The following CYP2S1 variants were observed in gnomAD, a reference collection of about 807,000 sequenced individuals.
CYP2S1 encodes cytochrome P450 family 2 subfamily S member 1, also known as cytochrome P450 2S1.
In CYP2S1, 32 loss-of-function variants were observed where a neutral mutation model predicts 43.5. The observed-to-expected ratio is 0.74, with a 90% confidence interval of 0.56 to 0.99. The LOEUF is 0.99. Among genes scored for constraint, CYP2S1 ranks in the 50% least tolerant of loss-of-function variants. CYP2S1 has a pLI of 0.00. For synonymous variants in CYP2S1, 283 were observed against 302.9 expected (o/e 0.93, Z 0.68); for missense variants, 575 against 673.9 (o/e 0.85, Z 1.62).
At position 41,198,499 on chromosome 19, in the gene CYP2S1, C is replaced by T. The variant is rs773013087; in HGVS notation, c.531C>T (p.Ala177=). The change falls in exon 4 of 9, where the codon GCC becomes GCT. Residue 177 remains alanine, a synonymous_variant. Coordinates refer to ENST00000310054, the MANE Select transcript of CYP2S1 (RefSeq NM_030622.8). The surrounding 1 kb of genome is among the most constrained non-coding windows in gnomAD (Gnocchi z 4.9). ...ATCCCTCCCTGCTGCTGGCCCAGGC[C>T]ACCTCCAACGTAGTCTGCTCCCTCC... The part of the protein sequence containing the change: ...PFDPSLLLAQ[A]TSNVVCSLLF... The T allele has an allele frequency of 2.5e-5, 40 of 1,614,040 alleles. No individual in the cohort carries two copies. Among genetic ancestry groups the T allele is most frequent in the South Asian group, 3.3e-5 (3 of 91,088 alleles).
chr19:41,203,331 C>A, intron 6 of CYP2S1, 119 bp from the exon 7 acceptor site: 1 of 1,131,964 alleles, frequency 8.8e-7, no homozygotes, highest in African/African-American at 1.6e-5. Context: ...GGCTGGGGGA[C>A]CACTCCTCCC....
rs571946917 is a variant in CYP2S1, at chr19:41,199,498, G to A, written c.834+610G>A. Among the ~76,000 whole-genome samples, 46 of 151,366 alleles carry A rather than the reference G, an allele frequency of 3.0e-4. No homozygotes were observed. In the South Asian group the frequency reaches 7.6e-3, roughly 25 times the overall value. On this transcript the variant is annotated intron_variant, in intron 5 of 8. Transcript: ENST00000310054. Reference sequence around the variant, plus strand: ...TGGGCTCAAGCAATCCTCCTGCCTCGGGCTCCTGAGTAGCTGGGACAACAG... The same window carrying A: ...TGGGCTCAAGCAATCCTCCTGCCTCAGGCTCCTGAGTAGCTGGGACAACAG...
At chr19:41,201,521 C>G (rs899078878) in intron 6 of CYP2S1, 149 bp downstream of exon 6, 67 of 1,148,160 alleles carry the variant, frequency 5.8e-5, no homozygotes, top group Non-Finnish European at 7.9e-5. Flanking sequence ...GCCTGGCCAA[C>G]ACAGTGAAAC....
intron 2 of CYP2S1, 129 bp downstream of exon 2, chr19:41,194,838 G>A (rs1331802266): frequency 7.5e-6 from 10 of 1,325,914 alleles, no homozygotes; most frequent in South Asian, 1.7e-5. Context: ...CCCATCAGCC[G>A]GGTGCAGTGG....
chr19:41,204,349 A>G lies in CYP2S1; in HGVS notation c.1164+712A>G, dbSNP rs1323593395. ...AAAACTGAGGAGCAAGTCCAGGACT[A>G]AGGGAAGCCCTCTTGACCCTTAGCC... is the stretch of plus-strand genomic sequence containing the variant. On this transcript the variant is annotated intron_variant, in intron 7 of 8. Coordinates refer to ENST00000310054, the MANE Select transcript of CYP2S1 (RefSeq NM_030622.8). Among the ~76,000 whole-genome samples, 4 of 152,148 alleles carry G rather than the reference A, an allele frequency of 2.6e-5. No homozygotes were observed. In the East Asian group the frequency reaches 7.7e-4, roughly 29 times the overall value.
At chr19:41,204,592 C>CT (rs553640679) in intron 7 of CYP2S1, among the ~76,000 whole-genome samples, 2,885 of 108,994 alleles carry the variant, frequency 0.026, 65 homozygotes, top group Middle Eastern at 0.039. Flanking sequence ...TCTTCTTCTT[C>CT]TTTTTTTTTT....
rs1475838465 is a variant in CYP2S1 at position 41,206,857 on chromosome 19, A to T, written c.*369A>T. ...TCACAAGCCACAGAAACGGCCACAC[A>T]TGTTCACAGCTCACACGCCCTCTCC... On this transcript the variant is annotated 3_prime_UTR_variant, in exon 9 of 9. Transcript: ENST00000310054. 2.1e-6 allele frequency: 1 copy of T among 474,302 alleles called. No homozygotes were observed. The highest frequency in any genetic ancestry group is 4.2e-6 in the Non-Finnish European group (1 of 239,152). The allele number at this position is 474,302 out of a possible 1,614,324, so 29.4% of individuals were successfully genotyped here. A position where few individuals can be genotyped will look rare whatever the true frequency, so the allele number is the denominator to read the frequency against.
chr19:41,206,254 CCTCT>C (rs55800603), intron 8 of CYP2S1, 22 bp from the exon 9 acceptor site: 205 of 1,516,690 alleles, frequency 1.4e-4, no homozygotes, highest in African/African-American at 2.2e-4. Flanking sequence ...CTGACTCAGC[CCTCT>C]CTCTCTCTCT....
chr19:41,200,201 T>C (rs2033470745), intron 5 of CYP2S1, among the ~76,000 whole-genome samples: 1 of 152,144 alleles, frequency 6.6e-6, no homozygotes, highest in Non-Finnish European at 1.5e-5. Context: ...GTTTTAACTA[T>C]AGTAAAATAC....
At chr19:41,205,402 CTCTTTCTT>C (rs1277671808) in intron 7 of CYP2S1, among the ~76,000 whole-genome samples, 4 of 100,088 alleles carry the variant, frequency 4.0e-5, no homozygotes, top group African/African-American at 2.4e-4. Flanking sequence ...CTTTCTTTCT[CTCTTTCTT>C]TCTTTCTTTC....
In CYP2S1 at chr19:41,197,765, A is replaced by G. The variant is rs1394181233; in HGVS notation, c.344-14A>G. The G allele has an allele frequency of 1.9e-6, 3 of 1,612,924 alleles. No individual in the cohort carries two copies. The South Asian group carries it at 3.3e-5, about 18-fold the overall frequency. ...GAGGGGCCGGTCCCTTTTTGAGTCTAGCCTTCTGCGCAGGGGTTTTCTTCT... is the reference window on the plus strand; with the variant it reads ...GAGGGGCCGGTCCCTTTTTGAGTCTGGCCTTCTGCGCAGGGGTTTTCTTCT... On this transcript the variant is annotated splice_polypyrimidine_tract_variant and intron_variant, in intron 2 of 8. Transcript: ENST00000310054.
In CYP2S1 at chr19:41,206,632, C is replaced by A; in HGVS notation, c.*144C>A. 1 of 1,009,918 alleles carries A rather than the reference C, an allele frequency of 9.9e-7. No homozygotes were observed. Among genetic ancestry groups the A allele is most frequent in the Non-Finnish European group, 1.6e-6 (1 of 641,032 alleles). 62.6% of individuals were successfully genotyped at this position (1,009,918 alleles called of 1,614,324 possible). The stretch of plus-strand genomic sequence containing the variant: ...CAGTTGTTTTCCGGAGTCTGTCCCA[C>A]GGCCCACACGCTCACTTGACTCATG... On this transcript the variant is annotated 3_prime_UTR_variant, in exon 9 of 9. Coordinates refer to ENST00000310054, the MANE Select transcript of CYP2S1 (RefSeq NM_030622.8).
chr19:41,205,410 TTCTTTCTTTCTC>T (rs2033558823), intron 7 of CYP2S1, among the ~76,000 whole-genome samples: 2 of 128,578 alleles, frequency 1.6e-5, no homozygotes, highest in African/African-American at 2.8e-5. Context: ...CTCTCTTTCT[TTCTTTCTTTCTC>T]TCTCTCTCTC....
chr19:41,206,031 A>G lies in CYP2S1; in HGVS notation c.1238A>G (p.Asn413Ser), dbSNP rs1165744407. Reference protein sequence around the residue: ...PNIFKHPEEFNPDRFLDADGR... With the variant: ...PNIFKHPEEFSPDRFLDADGR... ...ATCTTCAAGCACCCAGAAGAGTTCA[A>G]CCCAGACCGTTTCCTGGATGCAGAT... The change falls in exon 8 of 9, where the codon AAC becomes AGC. Residue 413 changes from asparagine to serine, a missense_variant. Transcript: ENST00000310054. The G allele has an allele frequency of 6.2e-7, 1 of 1,614,066 alleles. No homozygotes were observed.
intron 7 of CYP2S1, 47 bp from the exon 8 acceptor site, chr19:41,205,911 G>A (rs1297358877): frequency 2.5e-6 from 4 of 1,596,986 alleles, no homozygotes; most frequent in Non-Finnish European, 3.4e-6. Context: ...GGACCAAATG[G>A]ACTGGGGTGG....
intron 2 of CYP2S1, among the ~76,000 whole-genome samples, chr19:41,194,981 TG>T (rs1381807708): frequency 9.9e-5 from 15 of 152,132 alleles, no homozygotes; most frequent in Non-Finnish European, 2.2e-4. Context: ...CTGGGCATGG[TG>T]GTGCGTACCT....
chr19:41,195,187 A>G (rs2033396455), intron 2 of CYP2S1, among the ~76,000 whole-genome samples: 1 of 152,196 alleles, frequency 6.6e-6, no homozygotes, highest in African/African-American at 2.4e-5. Context: ...CCTTGTGCAA[A>G]GTGAGCACTC....
intron 6 of CYP2S1, among the ~76,000 whole-genome samples, chr19:41,202,068 C>A (rs907505236): frequency 6.6e-5 from 10 of 152,070 alleles, no homozygotes; most frequent in South Asian, 2.1e-4. Flanking sequence ...CCCACTGCAA[C>A]CTCCGGCCTC....
Position 41,194,061 on chromosome 19 carries a change from G to A in CYP2S1, c.178-483G>A, listed in dbSNP as rs947790202. 5.9e-5 allele frequency among the ~76,000 whole-genome samples: 9 copies of A among 152,230 alleles called. 1 individual carries two copies. Among genetic ancestry groups the A allele is most frequent in the African/African-American group, 2.2e-4 (9 of 41,550 alleles). ...CTTAGGGGATAGCAGGTGGGAGTGGGCAGAGGCCTGAAGTTTCCCATTCAA... is the reference window on the plus strand; with the variant it reads ...CTTAGGGGATAGCAGGTGGGAGTGGACAGAGGCCTGAAGTTTCCCATTCAA... On this transcript the variant is annotated intron_variant, in intron 1 of 8. Coordinates refer to ENST00000310054, the MANE Select transcript of CYP2S1 (RefSeq NM_030622.8).
Sources: allele counts gnomAD v4.1 joint callset (sites outside exome capture counted in the v4.1 genomes callset), GRCh38; gene constraint gnomAD v4.1.1; non-coding constraint Gnocchi (gnomAD v3.1); transcripts MANE v1.5; gene names NCBI Gene and HGNC (gene_info 2026-07-23, HGNC 2026-07-21).